The following DNAJA3 variants were observed in gnomAD, a reference collection of about 807,000 sequenced individuals.
DNAJA3 encodes dnaJ homolog subfamily A member 3, mitochondrial.
A neutral mutation model predicts 54.9 loss-of-function variants in DNAJA3; 29 were observed. The ratio of observed to expected loss-of-function variants is 0.53; its 90% CI spans 0.39 to 0.72. DNAJA3 has a LOEUF of 0.72. DNAJA3 is among the 30% of genes least tolerant of loss of function. DNAJA3 has a pLI of 0.00. For missense variants in DNAJA3, 708 were observed against 639.4 expected, an observed-to-expected ratio of 1.11 and a Z score of -1.16; for synonymous variants, 302 against 251.4, an observed-to-expected ratio of 1.20 and a Z score of -1.90.
chr16:4,441,432 G>C lies in DNAJA3; in HGVS notation c.487G>C (p.Asp163His), dbSNP rs764253890. The C allele has an allele frequency of 6.2e-6, 10 of 1,614,016 alleles. No individual in the cohort carries two copies. In the Admixed American group the frequency reaches 1.2e-4, roughly 19 times the overall value. ...QYDAYGSAGF[D>H]PGASGSQHSY... is the part of the protein sequence containing the mutation. ...CGATGCCTACGGCTCTGCAGGCTTC[G>C]ATCCTGGGGCCAGCGGCTCCCAGCA... is the stretch of plus-strand genomic sequence containing the variant. The change falls in exon 4 of 12, where the codon GAT (aspartate) becomes CAT (histidine). Residue 163 changes from aspartate to histidine, a missense_variant. Coordinates refer to ENST00000262375, the MANE Select transcript of DNAJA3 (RefSeq NM_005147.6).
chr16:4,448,414 G>C (rs985956377), intron 8 of DNAJA3, among the ~76,000 whole-genome samples: 2 of 151,922 alleles, frequency 1.3e-5, no homozygotes, highest in Non-Finnish European at 2.9e-5. Flanking sequence ...CACAATCTTG[G>C]CTCACTGCAA....
In DNAJA3 at chr16:4,443,054, C is replaced by T. The variant is rs371238945; in HGVS notation, c.821C>T (p.Thr274Met). Reference sequence around the variant, plus strand: ...ACAGGCCCTTTTGTGATGCGTTCCACGTGTAGGAGATGTGGTGGCCGCGGC... The same window carrying T: ...ACAGGCCCTTTTGTGATGCGTTCCATGTGTAGGAGATGTGGTGGCCGCGGC... ...INTGPFVMRS[T>M]CRRCGGRGSI... The change falls in exon 6 of 12, where the codon ACG becomes ATG. Residue 274 changes from threonine (T) to methionine (M), a missense_variant. Transcript: ENST00000262375. 6.1e-5 allele frequency: 98 copies of T among 1,613,964 alleles called. No individual in the cohort carries two copies. The highest frequency in any genetic ancestry group is 1.6e-4 in the Middle Eastern group (1 of 6,084).
intron 2 of DNAJA3, among the ~76,000 whole-genome samples, chr16:4,435,658 C>T (rs1202752591): frequency 6.6e-6 from 1 of 152,152 alleles, no homozygotes; most frequent in East Asian, 1.9e-4. Flanking sequence ...TAGTTTGTGT[C>T]AATACTTCAT....
intron 3 of DNAJA3, among the ~76,000 whole-genome samples, chr16:4,438,844 C>T (rs1323164465): frequency 6.6e-6 from 1 of 151,786 alleles, no homozygotes; most frequent in Admixed American, 6.6e-5. Context: ...TAGACAGCCA[C>T]GTAGAAGAAC....
chr16:4,446,003 C>T (rs1341925504), intron 7 of DNAJA3, among the ~76,000 whole-genome samples: 1 of 151,188 alleles, frequency 6.6e-6, no homozygotes, highest in Non-Finnish European at 1.5e-5. Flanking sequence ...CTCACTGCAA[C>T]CTCCACCTCC....
chr16:4,442,735 C>G, intron 5 of DNAJA3: 1 of 554,260 alleles, frequency 1.8e-6, no homozygotes, highest in South Asian at 2.6e-5. Context: ...ATGTACTGTT[C>G]AGCTCCCAGG....
chr16:4,439,455 G>C (rs543851362), intron 3 of DNAJA3, among the ~76,000 whole-genome samples: 1 of 152,020 alleles, frequency 6.6e-6, no homozygotes, highest in South Asian at 2.1e-4. Flanking sequence ...TTGGGCTCAA[G>C]CAGTTTTCCT....
chr16:4,441,060 G>A (rs11645060), intron 3 of DNAJA3: 21,771 of 439,494 alleles, frequency 0.05, 692 homozygotes, highest in Middle Eastern at 0.067. Context: ...GAGAGGTGAA[G>A]TGTGAATCTG....
At chr16:4,428,240 C>T (rs1485919365) in intron 1 of DNAJA3, among the ~76,000 whole-genome samples, 2 of 152,102 alleles carry the variant, frequency 1.3e-5, no homozygotes, top group Middle Eastern at 3.2e-3. Flanking sequence ...CTTGAGCCAC[C>T]GCGACCGGCC....
At chr16:4,442,749 C>A (rs2056852119) in intron 5 of DNAJA3, 3 of 562,294 alleles carry the variant, frequency 5.3e-6, no homozygotes, top group South Asian at 2.5e-5. Context: ...TCCCAGGAGT[C>A]TTCAGGTACT....
Position 4,439,399 on chromosome 16 carries a change from G to A in DNAJA3, c.429+1914G>A, listed in dbSNP as rs565374120. Among the ~76,000 whole-genome samples, 7 of 151,990 alleles carry A rather than the reference G, an allele frequency of 4.6e-5. No homozygotes were observed. In the South Asian group the frequency reaches 1.5e-3, roughly 32 times the overall value. On this transcript the variant is annotated intron_variant, in intron 3 of 11. Coordinates refer to ENST00000262375, the MANE Select transcript of DNAJA3 (RefSeq NM_005147.6). The stretch of plus-strand genomic sequence containing the variant: ...GTTGAGGTCTCACTCTGTTACCTAG[G>A]CTGGAGTGTAGTGGCGAGATCACAG...
At chr16:4,432,902 G>C (rs973829689) in intron 1 of DNAJA3, among the ~76,000 whole-genome samples, 8 of 152,034 alleles carry the variant, frequency 5.3e-5, no homozygotes, top group African/African-American at 1.9e-4. Context: ...AGCACTTTGG[G>C]AGGTCGAGGC....
intron 1 of DNAJA3, 131 bp from the exon 2 acceptor site, chr16:4,434,253 G>A (rs529861570): frequency 2.0e-6 from 2 of 997,682 alleles, no homozygotes; most frequent in South Asian, 3.0e-5. Context: ...GTTGAGATCT[G>A]GGTGGGGACA....
At position 4,442,303 on chromosome 16, in the gene DNAJA3, G is replaced by T. The variant is rs573411668; in HGVS notation, c.666G>T (p.Lys222Asn). The change falls in exon 5 of 12, where the codon AAG becomes AAT. Residue 222 changes from lysine (K) to asparagine (N), a missense_variant. Transcript: ENST00000262375. ...FMELTFNQAA[K>N]GVNKEFTVNI... ...AGTTGACATTCAATCAAGCTGCAAA[G>T]GGGGTCAACAAGGAGTTCACCGTGA... 3.1e-4 allele frequency: 503 copies of T among 1,603,596 alleles called. 7 individuals are homozygous for T. The South Asian group carries it at 5.4e-3, about 17-fold the overall frequency.
In DNAJA3 at chr16:4,442,586, CT is replaced by C. The variant is rs1389555846; in HGVS notation, c.783+169del. The C allele has an allele frequency of 3.8e-6, 3 of 798,848 alleles. No individual in the cohort carries two copies. In the African/African-American group the frequency reaches 5.3e-5, roughly 14 times the overall value. The allele number at this position is 798,848 out of a possible 1,614,324, so 49.5% of individuals were successfully genotyped here. ...CCTGAGGAGACGAGCCTGTGCTCCT[CT>C]TTCCCTGATACCACAGGCTCAGCAA... On this transcript the variant is annotated intron_variant, in intron 5 of 11. Transcript: ENST00000262375.
At chr16:4,437,970 TAAAAA>T (rs1002119486) in intron 3 of DNAJA3, among the ~76,000 whole-genome samples, 1 of 142,624 alleles carries the variant, frequency 7.0e-6, no homozygotes, top group African/African-American at 2.6e-5. Flanking sequence ...AATAAAAAAT[TAAAAA>T]AAAAACAAAA....
At chr16:4,430,894 A>C (rs923435244) in intron 1 of DNAJA3, 1 of 151,948 alleles carries the variant, frequency 6.6e-6, no homozygotes, top group Admixed American at 6.6e-5. Context: ...AAATACAAAA[A>C]TTAGCCAGGT....
chr16:4,443,201 G>A lies in DNAJA3; in HGVS notation c.931+37G>A, dbSNP rs1337313636. ...GGCCCGCCATGTCCAGGAGCTTGGA[G>A]AGGGCAGACAGGGTTGAGGCTACCA... On this transcript the variant is annotated intron_variant, in intron 6 of 11. Transcript: ENST00000262375. 6 of 1,611,696 alleles carry A rather than the reference G, an allele frequency of 3.7e-6. No homozygotes were observed. The South Asian group carries it at 5.5e-5, about 15-fold the overall frequency.
At chr16:4,455,099 A>G (rs1235598343) in intron 11 of DNAJA3, among the ~76,000 whole-genome samples, 172 bp downstream of exon 11, 7 of 152,186 alleles carry the variant, frequency 4.6e-5, no homozygotes, top group Non-Finnish European at 8.8e-5. Context: ...CCTAGGGAAT[A>G]GATGACGTGG....
Sources: gnomAD v4.1 joint callset for allele counts (sites outside exome capture counted in the v4.1 genomes callset) on GRCh38, gnomAD v4.1.1 for gene constraint, MANE v1.5 for transcripts, NCBI Gene and HGNC (gene_info 2026-07-23, HGNC 2026-07-21) for gene names.